Variants in LMO7 observed in about 807,000 individuals in gnomAD.
LMO7 encodes the protein LIM domain only protein 7.
Under a neutral mutation model 206.5 loss-of-function variants are expected in LMO7, and 120 were observed. That is an observed-to-expected ratio of 0.58 (90% CI 0.50 to 0.68). The LOEUF (loss-of-function observed/expected upper bound fraction) is 0.68. LMO7 is among the 30% of genes least tolerant of loss of function. The pLI is 0.00. For synonymous variants in LMO7, 706 were observed against 681.5 expected (o/e 1.04, Z -0.56); for missense variants, 1,959 against 1,957.9 (o/e 1.00, Z -0.01).
chr13:75,751,144 C>T (rs2047234880), intron 3 of LMO7, among the ~76,000 whole-genome samples: 1 of 113,452 alleles, frequency 8.8e-6, no homozygotes, highest in Non-Finnish European at 1.8e-5. Flanking sequence ...GCTCTTTTTT[C>T]AGCTCTTTTT....
intron 2 of LMO7, among the ~76,000 whole-genome samples, chr13:75,725,591 C>G (rs947626812): frequency 3.9e-5 from 6 of 152,114 alleles, no homozygotes; most frequent in Middle Eastern, 3.4e-3. Context: ...TAAACTTACT[C>G]AATTCTTTTC....
At chr13:75,747,717 A>G (rs1478579776) in intron 3 of LMO7, among the ~76,000 whole-genome samples, 1 of 152,206 alleles carries the variant, frequency 6.6e-6, no homozygotes, top group Non-Finnish European at 1.5e-5. Flanking sequence ...AATGGCCCCC[A>G]AGGATGTTCA....
intron 1 of LMO7, among the ~76,000 whole-genome samples, chr13:75,708,281 G>A (rs187059807): frequency 6.6e-6 from 1 of 152,326 alleles, no homozygotes; most frequent in East Asian, 1.9e-4. Context: ...TGTGGAATTT[G>A]AACTTGCTTT....
At chr13:75,831,602 G>A (rs1432330184) in intron 15 of LMO7, among the ~76,000 whole-genome samples, 2 of 152,162 alleles carry the variant, frequency 1.3e-5, no homozygotes, top group African/African-American at 4.8e-5. Flanking sequence ...CTTCAGGTGA[G>A]CACCATGTGC....
intron 1 of LMO7, among the ~76,000 whole-genome samples, chr13:75,669,899 T>G (rs895993106): frequency 2.6e-5 from 4 of 152,174 alleles, no homozygotes; most frequent in Admixed American, 1.3e-4. Context: ...AGGGACATGA[T>G]CTGGTGGAAA....
In LMO7 at chr13:75,841,174, G is replaced by A. The variant is rs371512223; in HGVS notation, c.3648G>A (p.Glu1216=). The change falls in exon 23 of 31, where the codon GAG becomes GAA. Residue 1216 remains glutamate (E), a synonymous_variant. Transcript: ENST00000377534. ...GGCAAAGGGCCAAACAGGAGGCAGA[G>A]AGAGAGAATTCCAAGTACTTGGATG... The part of the protein sequence containing the change: ...EEWQRAKQEA[E]RENSKYLDEE... 1.5e-5 allele frequency: 25 copies of A among 1,613,008 alleles called. No individual in the cohort carries two copies. Among genetic ancestry groups the A allele is most frequent in the Non-Finnish European group, 2.0e-5 (24 of 1,179,040 alleles).
chr13:75,754,525 G>A (rs752952182), intron 3 of LMO7, among the ~76,000 whole-genome samples: 6 of 152,180 alleles, frequency 3.9e-5, no homozygotes, highest in Middle Eastern at 6.8e-3. Flanking sequence ...TATATACCTG[G>A]GGGAAGGCAT....
chr13:75,723,333 A>C (rs1396213380), intron 2 of LMO7, among the ~76,000 whole-genome samples: 8 of 150,292 alleles, frequency 5.3e-5, no homozygotes, highest in Admixed American at 4.6e-4. Flanking sequence ...TGACAGAAAG[A>C]TATTAGAAAT....
chr13:75,623,611 C>T (rs530986120), intron 2 of LMO7, among the ~76,000 whole-genome samples: 174 of 151,958 alleles, frequency 1.1e-3, no homozygotes, highest in Non-Finnish European at 1.9e-3. Flanking sequence ...TATCCACCCA[C>T]TTCAGCCTCC....
At chr13:75,800,205 A>C (rs570023808) in intron 6 of LMO7, among the ~76,000 whole-genome samples, 3 of 152,230 alleles carry the variant, frequency 2.0e-5, no homozygotes, top group African/African-American at 7.2e-5. Flanking sequence ...GTTTTATGTT[A>C]TATAAGCCAT....
intron 2 of LMO7, among the ~76,000 whole-genome samples, chr13:75,720,695 A>T (rs1242114794): frequency 6.6e-6 from 1 of 152,240 alleles, no homozygotes; most frequent in South Asian, 2.1e-4. Flanking sequence ...CAGTGAGGCT[A>T]TATAATAAAG....
chr13:75,774,343 A>G (rs762110116), intron 4 of LMO7, among the ~76,000 whole-genome samples: 35 of 152,044 alleles, frequency 2.3e-4, no homozygotes, highest in Non-Finnish European at 4.1e-4. Context: ...CAATTTGCCT[A>G]CTTTTTTGAA....
At chr13:75,753,555 G>A (rs1231587088) in intron 3 of LMO7, among the ~76,000 whole-genome samples, 1 of 152,148 alleles carries the variant, frequency 6.6e-6, no homozygotes, top group Non-Finnish European at 1.5e-5. Flanking sequence ...ATCCCCAGGT[G>A]TCGTGGGAAG....
chr13:75,797,854 G>T (rs1384420752), intron 6 of LMO7, among the ~76,000 whole-genome samples: 1 of 151,460 alleles, frequency 6.6e-6, no homozygotes, highest in African/African-American at 2.5e-5. Flanking sequence ...GTTAATTCAG[G>T]AAATAGCTGA....
At chr13:75,738,588 A>G (rs2046154638) in intron 3 of LMO7, among the ~76,000 whole-genome samples, 2 of 152,094 alleles carry the variant, frequency 1.3e-5, no homozygotes, top group Non-Finnish European at 2.9e-5. Flanking sequence ...TTCTTCACAA[A>G]GCCATGTTTT....
chr13:75,781,096 C>CTTT (rs367937964), intron 4 of LMO7, among the ~76,000 whole-genome samples: 91 of 41,868 alleles, frequency 2.2e-3, no homozygotes, highest in Admixed American at 7.1e-3. Context: ...CTCTATTTTC[C>CTTT]TTTTTTTTTT....
intron 1 of LMO7, among the ~76,000 whole-genome samples, chr13:75,650,771 A>C (rs566939669): frequency 2.0e-5 from 3 of 152,142 alleles, no homozygotes; most frequent in Non-Finnish European, 2.9e-5. Flanking sequence ...TGTCTCAGCT[A>C]TTAATTGTTC....
intron 1 of LMO7, among the ~76,000 whole-genome samples, chr13:75,661,656 A>G (rs1241898718): frequency 4.6e-5 from 7 of 152,190 alleles, no homozygotes; most frequent in Admixed American, 4.6e-4. Flanking sequence ...TAGGCTGAGC[A>G]CACAGGAGGC....
intron 1 of LMO7, among the ~76,000 whole-genome samples, chr13:75,674,393 T>C (rs7336032): frequency 0.41 from 62,885 of 152,042 alleles, 14,196 homozygotes; most frequent in Middle Eastern, 0.53. Context: ...GTAAAAAGTT[T>C]AGTAGGATTA....
Sources: gnomAD v4.1 joint callset for allele counts (sites outside exome capture counted in the v4.1 genomes callset) on GRCh38, gnomAD v4.1.1 for gene constraint, MANE v1.5 for transcripts, NCBI Gene and HGNC (gene_info 2026-07-23, HGNC 2026-07-21) for gene names.